CTNNA3: variants seen among roughly 807,000 people sequenced by gnomAD.
The protein encoded by CTNNA3 is catenin alpha 3, also known as catenin alpha-3.
In CTNNA3, 76 loss-of-function variants were observed where a neutral mutation model predicts 95.7. That is an observed-to-expected ratio of 0.79 (90% CI 0.66 to 0.96). The LOEUF (loss-of-function observed/expected upper bound fraction) is 0.96. Ranked by LOEUF, CTNNA3 falls within the 40% of genes least tolerant of loss-of-function variation. CTNNA3 has a pLI of 0.00. For missense variants in CTNNA3, 1,191 were observed against 1,089.8 expected (o/e 1.09, Z -1.31); for synonymous variants, 431 against 374.4 (o/e 1.15, Z -1.74).
At chr10:66,692,086 A>T (rs1281782315) in intron 9 of CTNNA3, among the ~76,000 whole-genome samples, 1 of 152,232 alleles carries the variant, frequency 6.6e-6, no homozygotes, top group Non-Finnish European at 1.5e-5. Context: ...GCAGTTCCTC[A>T]CCAGCAATGG....
chr10:66,508,167 A>C (rs1840518723), intron 11 of CTNNA3, among the ~76,000 whole-genome samples: 1 of 141,516 alleles, frequency 7.1e-6, no homozygotes, highest in Non-Finnish European at 1.6e-5. Flanking sequence ...GTGGTGGTGC[A>C]GGAGCAGCTC....
intron 1 of CTNNA3, among the ~76,000 whole-genome samples, chr10:67,662,479 G>C (rs192631020): frequency 6.6e-6 from 1 of 152,254 alleles, no homozygotes; most frequent in East Asian, 1.9e-4. Context: ...CAAGTGAATG[G>C]ATAAACAATC....
chr10:67,036,752 T>C (rs1040282320), intron 7 of CTNNA3, among the ~76,000 whole-genome samples: 1 of 152,190 alleles, frequency 6.6e-6, no homozygotes, highest in Admixed American at 6.5e-5. Flanking sequence ...ATTATCTTTT[T>C]TCAATTCTAG....
Position 67,563,438 on chromosome 10 carries a change from T to C in CTNNA3, c.293-23769A>G, listed in dbSNP as rs183808054. Among the ~76,000 whole-genome samples, 695 of 152,302 alleles carry C rather than the reference T, an allele frequency of 4.6e-3. 7 individuals carry two copies. Among genetic ancestry groups the C allele is most frequent in the African/African-American group, 0.016 (663 of 41,562 alleles). ...TGGTGCTGGGAAAACAGGCTAGCCA[T>C]ATGTAGAAAGCTAAAACTGAATCCC... On this transcript the variant is annotated intron_variant, in intron 3 of 17. Coordinates refer to ENST00000433211, the MANE Select transcript of CTNNA3 (RefSeq NM_013266.4).
chr10:66,647,766 G>A (rs867467965), intron 9 of CTNNA3, among the ~76,000 whole-genome samples: 5 of 151,228 alleles, frequency 3.3e-5, no homozygotes, highest in South Asian at 2.1e-4. Flanking sequence ...TGATCCACCC[G>A]CCTTGGTCTC....
intron 11 of CTNNA3, among the ~76,000 whole-genome samples, chr10:66,431,762 G>T (rs7909653): frequency 2.0e-4 from 22 of 112,740 alleles, no homozygotes; most frequent in African/African-American, 6.8e-4. Context: ...TGGGGGGAGG[G>T]GGGAGGGATA....
chr10:67,252,812 C>T (rs1437567365), intron 5 of CTNNA3, among the ~76,000 whole-genome samples: 1 of 152,108 alleles, frequency 6.6e-6, no homozygotes, highest in Non-Finnish European at 1.5e-5. Context: ...AACATGCTGT[C>T]AATCAGAACA....
At chr10:66,060,186 T>C (rs922843974) in intron 15 of CTNNA3, among the ~76,000 whole-genome samples, 1 of 151,996 alleles carries the variant, frequency 6.6e-6, no homozygotes, top group Non-Finnish European at 1.5e-5. Flanking sequence ...GTTATGAAAG[T>C]CACAAAATGT....
chr10:66,295,179 T>C lies in CTNNA3; in HGVS notation c.1733-14558A>G, dbSNP rs114862812. Among the ~76,000 whole-genome samples, 374 of 150,246 alleles carry C rather than the reference T, an allele frequency of 2.5e-3. 3 individuals carry two copies. The highest frequency in any genetic ancestry group is 8.8e-3 in the African/African-American group (361 of 41,188). On this transcript the variant is annotated intron_variant, in intron 12 of 17. Coordinates refer to ENST00000433211, the MANE Select transcript of CTNNA3 (RefSeq NM_013266.4). ...TTACTGTTCAAATGTAAGATGGAAA[T>C]ATTTATTGACATTATTATTACATTG...
chr10:66,355,278 T>C (rs1409536165), intron 12 of CTNNA3, among the ~76,000 whole-genome samples: 1 of 152,146 alleles, frequency 6.6e-6, no homozygotes, highest in Non-Finnish European at 1.5e-5. Context: ...TTGTAGGAAG[T>C]CACTATTTCA....
intron 3 of CTNNA3, among the ~76,000 whole-genome samples, chr10:67,574,781 A>G (rs1842091343): frequency 6.6e-6 from 1 of 151,942 alleles, no homozygotes; most frequent in Non-Finnish European, 1.5e-5. Flanking sequence ...GGGTTTCACC[A>G]TGTTGGCCAG....
At chr10:66,382,054 A>G (rs1256178256) in intron 11 of CTNNA3, among the ~76,000 whole-genome samples, 1 of 152,108 alleles carries the variant, frequency 6.6e-6, no homozygotes, top group East Asian at 1.9e-4. Flanking sequence ...CAACTGAAGT[A>G]CCTGGTTCAT....
intron 10 of CTNNA3, among the ~76,000 whole-genome samples, chr10:66,577,871 C>T (rs902281569): frequency 1.1e-4 from 16 of 151,778 alleles, no homozygotes; most frequent in Non-Finnish European, 2.2e-4. Context: ...TGTATTGGTA[C>T]TTTGATAGGA....
Position 66,643,780 on chromosome 10 carries a change from A to C in CTNNA3, c.1282-21996T>G, listed in dbSNP as rs1845597572. ...CAAAATTGACCATTTTATAAAAGAC[A>C]TATCCCTTCTCTTCATTCTACCTTT... is the stretch of plus-strand genomic sequence containing the variant. On this transcript the variant is annotated intron_variant, in intron 9 of 17. Transcript: ENST00000433211. 2.0e-5 allele frequency among the ~76,000 whole-genome samples: 3 copies of C among 152,226 alleles called. No individual in the cohort carries two copies. In the South Asian group the frequency reaches 6.2e-4, roughly 32 times the overall value.
At chr10:67,760,556 T>C (rs1279030569) in intron 1 of CTNNA3, among the ~76,000 whole-genome samples, 7 of 152,176 alleles carry the variant, frequency 4.6e-5, no homozygotes, top group African/African-American at 1.4e-4. Flanking sequence ...ACTTAGTCTA[T>C]ATAATACAGC....
chr10:66,593,381 A>T (rs1225922646), intron 10 of CTNNA3, among the ~76,000 whole-genome samples: 1 of 152,166 alleles, frequency 6.6e-6, no homozygotes, highest in Non-Finnish European at 1.5e-5. Flanking sequence ...TAGGCCACTC[A>T]TGCACACCAC....
At chr10:66,836,002 T>C (rs557393709) in intron 7 of CTNNA3, among the ~76,000 whole-genome samples, 6 of 152,034 alleles carry the variant, frequency 3.9e-5, no homozygotes, top group African/African-American at 1.2e-4. Flanking sequence ...AAAAAAACAA[T>C]TAAATTAATT....
chr10:65,959,513 C>A (rs2077799423), intron 17 of CTNNA3, among the ~76,000 whole-genome samples: 1 of 152,132 alleles, frequency 6.6e-6, no homozygotes, highest in Admixed American at 6.5e-5. Context: ...ATTTGGCCAT[C>A]TTGGAACCTC....
intron 13 of CTNNA3, among the ~76,000 whole-genome samples, chr10:66,224,644 C>A (rs1228832600): frequency 6.6e-6 from 1 of 152,084 alleles, no homozygotes; most frequent in African/African-American, 2.4e-5. Context: ...TGAAGGAATT[C>A]ATCTATACAT....
Sources: gnomAD v4.1 joint callset for allele counts (sites outside exome capture counted in the v4.1 genomes callset) on GRCh38, gnomAD v4.1.1 for gene constraint, MANE v1.5 for transcripts, NCBI Gene and HGNC (gene_info 2026-07-23, HGNC 2026-07-21) for gene names.